CCSER1: variants seen among roughly 807,000 people sequenced by gnomAD.
CCSER1 encodes coiled-coil serine rich protein 1, also known as serine-rich coiled-coil domain-containing protein 1.
A neutral mutation model predicts 82.0 loss-of-function variants in CCSER1; 41 were observed. The ratio of observed to expected loss-of-function variants is 0.50; its 90% CI spans 0.39 to 0.65. CCSER1 has a LOEUF of 0.65. Ranked by LOEUF, CCSER1 falls within the 30% of genes least tolerant of loss-of-function variation. CCSER1 has a pLI of 0.00. For missense variants in CCSER1, 1,119 were observed against 1,064.2 expected (o/e 1.05, Z -0.72); for synonymous variants, 414 against 383.9 (o/e 1.08, Z -0.92).
chr4:90,413,125 A>G (rs1755150275), intron 4 of CCSER1, among the ~76,000 whole-genome samples: 1 of 152,220 alleles, frequency 6.6e-6, no homozygotes, highest in African/African-American at 2.4e-5. Flanking sequence ...AATGTACACA[A>G]ATCAGTAGCC....
At chr4:90,159,504 C>G (rs1184399539) in intron 1 of CCSER1, among the ~76,000 whole-genome samples, 1 of 152,074 alleles carries the variant, frequency 6.6e-6, no homozygotes, top group East Asian at 1.9e-4. Flanking sequence ...TGTTTCCTTA[C>G]TAGAGAGAGA....
At chr4:90,662,470 C>A (rs951006052) in intron 6 of CCSER1, among the ~76,000 whole-genome samples, 4 of 151,864 alleles carry the variant, frequency 2.6e-5, no homozygotes, top group African/African-American at 7.3e-5. Context: ...TAATTGATCT[C>A]TAAAATTTTC....
At chr4:91,085,287 C>T (rs777523443) in intron 9 of CCSER1, among the ~76,000 whole-genome samples, 3 of 151,922 alleles carry the variant, frequency 2.0e-5, no homozygotes, top group South Asian at 2.1e-4. Flanking sequence ...TTCTCCAAAG[C>T]TTTGTTAAAT....
intron 10 of CCSER1, among the ~76,000 whole-genome samples, chr4:91,478,523 A>G (rs146616309): frequency 1.2e-3 from 183 of 152,086 alleles, no homozygotes; most frequent in Admixed American, 5.9e-3. Context: ...TAACAGTCTC[A>G]GAGATTCTGC....
At chr4:90,485,853 G>A (rs115717172) in intron 5 of CCSER1, among the ~76,000 whole-genome samples, 3 of 152,042 alleles carry the variant, frequency 2.0e-5, no homozygotes, top group Non-Finnish European at 2.9e-5. Flanking sequence ...CCAGCTCCAT[G>A]CACATTCCTG....
chr4:91,281,952 G>A (rs1175617505), intron 10 of CCSER1, among the ~76,000 whole-genome samples: 1 of 151,982 alleles, frequency 6.6e-6, no homozygotes, highest in Non-Finnish European at 1.5e-5. Flanking sequence ...TTTGTATTTT[G>A]ATATTTAATA....
At chr4:90,269,085 C>G (rs7693946) in intron 1 of CCSER1, among the ~76,000 whole-genome samples, 7,378 of 152,102 alleles carry the variant, frequency 0.049, 472 homozygotes, top group African/African-American at 0.15. Context: ...TAGATCAATA[C>G]AATAGCTGGA....
At chr4:90,761,416 A>G (rs1263417207) in intron 7 of CCSER1, among the ~76,000 whole-genome samples, 2 of 152,130 alleles carry the variant, frequency 1.3e-5, no homozygotes, top group African/African-American at 4.8e-5. Flanking sequence ...ACAGCTTTTA[A>G]CCATTAATAC....
chr4:91,324,184 C>T (rs535977175), intron 10 of CCSER1, among the ~76,000 whole-genome samples: 2 of 152,202 alleles, frequency 1.3e-5, no homozygotes, highest in African/African-American at 2.4e-5. Flanking sequence ...CTGATTTATA[C>T]ATATAAGGTT....
intron 9 of CCSER1, chr4:90,951,096 C>G (rs1732862627): frequency 6.6e-6 from 1 of 151,942 alleles, no homozygotes; most frequent in Non-Finnish European, 1.5e-5. Flanking sequence ...TAACAAATAC[C>G]TCTGTATGAT....
intron 4 of CCSER1, among the ~76,000 whole-genome samples, chr4:90,419,555 T>C (rs1756371533): frequency 6.6e-6 from 1 of 151,890 alleles, no homozygotes; most frequent in Non-Finnish European, 1.5e-5. Context: ...ATGCTTCTAA[T>C]TTTATGTACA....
intron 5 of CCSER1, among the ~76,000 whole-genome samples, chr4:90,471,028 T>C (rs568088409): frequency 6.6e-5 from 10 of 152,256 alleles, no homozygotes; most frequent in African/African-American, 2.4e-4. Context: ...AAATAATGAA[T>C]GTTCCATATA....
At chr4:90,144,398 T>C (rs1326270789) in intron 1 of CCSER1, among the ~76,000 whole-genome samples, 1 of 152,206 alleles carries the variant, frequency 6.6e-6, no homozygotes, top group East Asian at 1.9e-4. Context: ...CAAGTACCTG[T>C]GGATGATCAA....
intron 5 of CCSER1, among the ~76,000 whole-genome samples, chr4:90,580,741 A>G (rs1040681779): frequency 1.3e-5 from 2 of 152,218 alleles, no homozygotes; most frequent in African/African-American, 4.8e-5. Flanking sequence ...GTCAAGAACA[A>G]AAGCATAAAT....
rs115405121 is a variant in CCSER1 at position 90,904,064 on chromosome 4, A to G, written c.2095-19306A>G. 2.7e-3 allele frequency among the ~76,000 whole-genome samples: 410 copies of G among 152,082 alleles called. 5 individuals are homozygous for G. Among genetic ancestry groups the G allele is most frequent in the Admixed American group, 3.3e-3 (50 of 15,270 alleles). On this transcript the variant is annotated intron_variant, in intron 8 of 10. Transcript: ENST00000509176. ...TAACACCATTTACTGAGATCTTTTT[A>G]TATGTTTATTTCTTTTGAATTGGTT...
chr4:90,984,428 C>T (rs971157202), intron 9 of CCSER1, among the ~76,000 whole-genome samples: 10 of 151,680 alleles, frequency 6.6e-5, no homozygotes, highest in African/African-American at 1.9e-4. Context: ...CAAGCAGGAT[C>T]CTGGTAATGG....
intron 10 of CCSER1, among the ~76,000 whole-genome samples, chr4:91,176,628 A>G (rs950379487): frequency 3.2e-4 from 49 of 152,162 alleles, no homozygotes; most frequent in African/African-American, 5.5e-4. Flanking sequence ...TTTGTCTGTT[A>G]TTGGTGTATA....
At chr4:91,081,861 G>A (rs1386168036) in intron 9 of CCSER1, among the ~76,000 whole-genome samples, 2 of 152,132 alleles carry the variant, frequency 1.3e-5, no homozygotes, top group Non-Finnish European at 2.9e-5. Context: ...TACAAGGGAC[G>A]TGAAGAACCT....
chr4:90,708,243 A>C (rs1012575574), intron 6 of CCSER1, among the ~76,000 whole-genome samples: 1 of 152,278 alleles, frequency 6.6e-6, no homozygotes, highest in South Asian at 2.1e-4. Flanking sequence ...GCTTCAGACA[A>C]CCTTCCAGGT....
Sources: gnomAD v4.1 joint callset for allele counts (sites outside exome capture counted in the v4.1 genomes callset) on GRCh38, gnomAD v4.1.1 for gene constraint, MANE v1.5 for transcripts, NCBI Gene and HGNC (gene_info 2026-07-23, HGNC 2026-07-21) for gene names.